Variants in SMTNL2 observed in about 807,000 individuals in gnomAD.
SMTNL2 encodes smoothelin-like protein 2.
SMTNL2 carries 43 observed loss-of-function variants against 44.1 expected under a neutral mutation model. The ratio of observed to expected loss-of-function variants is 0.98; its 90% confidence interval spans 0.76 to 1.26. The LOEUF (loss-of-function observed/expected upper bound fraction) is 1.26. Ranked by LOEUF, SMTNL2 falls within the 50% of genes most tolerant of loss-of-function variation. SMTNL2 has a pLI of 0.00. For missense variants in SMTNL2, 646 were observed against 670.2 expected, an observed-to-expected ratio of 0.96 and a Z score of 0.40; for synonymous variants, 317 against 287.6, an observed-to-expected ratio of 1.10 and a Z score of -1.03.
Position 4,587,291 on chromosome 17 carries a change from C to T in SMTNL2, c.399+2287C>T, listed in dbSNP as rs568332160. The stretch of plus-strand genomic sequence containing the variant: ...TCTGCACCCCTTGAGCCCTGGCTCC[C>T]GGGGCCTGAGGCAGCTGCCGCTGGG... On this transcript the variant is annotated intron_variant, in intron 1 of 7. Coordinates refer to ENST00000389313, the MANE Select transcript of SMTNL2 (RefSeq NM_001114974.2). Among the ~76,000 whole-genome samples the T allele has an allele frequency of 5.3e-5, 8 of 152,290 alleles. 1 individual carries two copies. The highest frequency in any genetic ancestry group is 2.1e-4 in the South Asian group (1 of 4,828).
chr17:4,600,024 G>C lies in SMTNL2; in HGVS notation c.1259+2701G>C, dbSNP rs919506505. ...CTGACTCGAGGGCGTGGGGAGGGGC[G>C]TCCACCGCAGGCCTGTGCCGGGGGG... On this transcript the variant is annotated intron_variant, in intron 7 of 7. Coordinates refer to ENST00000389313, the MANE Select transcript of SMTNL2 (RefSeq NM_001114974.2). The surrounding 1 kb of genome is among the most constrained non-coding windows in gnomAD (Gnocchi z 4.7). 6.6e-6 allele frequency among the ~76,000 whole-genome samples: 1 copy of C among 152,154 alleles called. No individual in the cohort carries two copies. Among genetic ancestry groups the C allele is most frequent in the Non-Finnish European group, 1.5e-5 (1 of 68,014 alleles).
At position 4,595,217 on chromosome 17, in the gene SMTNL2, G is replaced by A. The variant is rs1293134563; in HGVS notation, c.879G>A (p.Gln293=). The change falls in exon 5 of 8, where the codon CAG becomes CAA. Residue 293 remains glutamine (Q), a synonymous_variant. Coordinates refer to ENST00000389313, the MANE Select transcript of SMTNL2 (RefSeq NM_001114974.2). The surrounding 1 kb of genome is among the most constrained non-coding windows in gnomAD (Gnocchi z 5.1). The stretch of plus-strand genomic sequence containing the variant: ...CAGCCATAACTCAGGTCCATCGGCA[G>A]GGGGAGCGTCGCAGGGAGCTGGTGA... The part of the protein sequence containing the change: ...QPPAITQVHR[Q]GERRRELVRS... The A allele has an allele frequency of 1.9e-6, 3 of 1,613,322 alleles. No homozygotes were observed. Among genetic ancestry groups the A allele is most frequent in the Non-Finnish European group, 2.5e-6 (3 of 1,179,986 alleles).
intron 3 of SMTNL2, 68 bp from the exon 4 acceptor site, chr17:4,593,754 G>T (rs1446591086): frequency 4.0e-6 from 6 of 1,505,750 alleles, no homozygotes; most frequent in Non-Finnish European, 5.5e-6. Flanking sequence ...TGGGTCAGAG[G>T]AAGGGAGGCT....
chr17:4,597,353 G>GC, intron 7 of SMTNL2, 30 bp downstream of exon 7: 1 of 1,608,768 alleles, frequency 6.2e-7, no homozygotes, highest in Non-Finnish European at 8.5e-7. Flanking sequence ...CTGGCTACCA[G>GC]CCCCAGCCCA....
chr17:4,603,515 C>T (rs1405973985), intron 7 of SMTNL2, among the ~76,000 whole-genome samples: 2 of 152,140 alleles, frequency 1.3e-5, no homozygotes, highest in Non-Finnish European at 2.9e-5. Context: ...GGTCCCCTTT[C>T]CCTGGACCCT....
intron 7 of SMTNL2, among the ~76,000 whole-genome samples, chr17:4,604,102 CTT>C (rs373616014): frequency 8.3e-4 from 126 of 152,300 alleles, no homozygotes; most frequent in African/African-American, 2.9e-3. Flanking sequence ...ACCTCAGCCT[CTT>C]AAAATGTTGG....
At position 4,597,320 on chromosome 17, in the gene SMTNL2, CCG is replaced by C; in HGVS notation, c.1257_1258del (p.Asn421SerfsTer5). On this transcript the variant is annotated frameshift_variant and splice_region_variant, in exon 7 of 8. Coordinates refer to ENST00000389313, the MANE Select transcript of SMTNL2 (RefSeq NM_001114974.2). LOFTEE classifies it high-confidence loss of function. ...AACTTCGAGCTGGCTTTCACCATGG[CCG>C]AGTGAGTATGGTGGCTCCTGCTGGC... The C allele has an allele frequency of 6.2e-7, 1 of 1,613,768 alleles. No homozygotes were observed.
At chr17:4,597,398 T>TG in intron 7 of SMTNL2, 75 bp downstream of exon 7, 3 of 1,567,560 alleles carry the variant, frequency 1.9e-6, no homozygotes, top group Non-Finnish European at 2.6e-6. Context: ...AGGTGGGGCA[T>TG]GGGGGCGAGT....
chr17:4,591,514 C>A (rs958291114), intron 1 of SMTNL2, among the ~76,000 whole-genome samples: 1 of 152,252 alleles, frequency 6.6e-6, no homozygotes, highest in Non-Finnish European at 1.5e-5. Context: ...GGCCCCATCT[C>A]TGAAATGGCT....
intron 7 of SMTNL2, among the ~76,000 whole-genome samples, chr17:4,599,624 A>C (rs1296886252): frequency 1.3e-5 from 2 of 152,294 alleles, no homozygotes; most frequent in East Asian, 3.9e-4. Flanking sequence ...CCTCTGCCCT[A>C]GACCAGGCTA....
At chr17:4,597,937 T>G (rs1163134524) in intron 7 of SMTNL2, among the ~76,000 whole-genome samples, 1 of 151,852 alleles carries the variant, frequency 6.6e-6, no homozygotes, top group Non-Finnish European at 1.5e-5. Context: ...CTCAGGAGAG[T>G]TGGCAAAGTC....
intron 1 of SMTNL2, among the ~76,000 whole-genome samples, chr17:4,590,490 C>CTT (rs959287856): frequency 2.6e-4 from 39 of 152,236 alleles, no homozygotes; most frequent in African/African-American, 8.9e-4. Flanking sequence ...GTTCGTCCTT[C>CTT]TTTTCTCTTA....
rs775706086 is a variant in SMTNL2 at position 4,593,921 on chromosome 17, T to TG, written c.806+28dup. 1.3e-5 allele frequency: 21 copies of TG among 1,612,844 alleles called. No homozygotes were observed. In the African/African-American group the frequency reaches 2.5e-4, roughly 19 times the overall value. ...AGGTGAGTCAGGGCCTGTGTTCCTG[T>TG]GGGGTCGCTGCGCCCCAGGTGTCTT... On this transcript the variant is annotated intron_variant, in intron 4 of 7. Coordinates refer to ENST00000389313, the MANE Select transcript of SMTNL2 (RefSeq NM_001114974.2).
intron 7 of SMTNL2, among the ~76,000 whole-genome samples, chr17:4,606,288 A>AT (rs1200205838): frequency 6.6e-6 from 1 of 151,790 alleles, no homozygotes; most frequent in Admixed American, 6.6e-5. Flanking sequence ...CGCCCGGCTA[A>AT]TTTTTGTATT....
At chr17:4,605,501 C>T (rs1210551834) in intron 7 of SMTNL2, among the ~76,000 whole-genome samples, 1 of 152,084 alleles carries the variant, frequency 6.6e-6, no homozygotes, top group East Asian at 1.9e-4. Context: ...GTGCCCTTTG[C>T]TGTTCCACCT....
intron 7 of SMTNL2, among the ~76,000 whole-genome samples, chr17:4,597,734 G>A (rs1244376925): frequency 6.6e-6 from 1 of 152,238 alleles, no homozygotes; most frequent in Non-Finnish European, 1.5e-5. Flanking sequence ...GCAAGGAACT[G>A]GATATGACCT....
chr17:4,585,257 T>C (rs1909301588), intron 1 of SMTNL2, among the ~76,000 whole-genome samples: 1 of 152,154 alleles, frequency 6.6e-6, no homozygotes, highest in Non-Finnish European at 1.5e-5. Flanking sequence ...TTGCTCAGAG[T>C]CCTGTCTCCC....
In SMTNL2 at chr17:4,584,602, G is replaced by A; in HGVS notation, c.-4G>A. 2 of 1,236,362 alleles carry A rather than the reference G, an allele frequency of 1.6e-6. No individual in the cohort carries two copies. Among genetic ancestry groups the A allele is most frequent in the Non-Finnish European group, 2.0e-6 (2 of 990,424 alleles). 76.6% of individuals were successfully genotyped at this position (1,236,362 alleles called of 1,614,324 possible). A position where few individuals can be genotyped will look rare whatever the true frequency, so the allele number is the denominator to read the frequency against. On this transcript the variant is annotated 5_prime_UTR_variant, in exon 1 of 8. Transcript: ENST00000389313. ...CGCTCTCGACCCGCGCGCTCTGCTG[G>A]GCCATGGAGCCGGCCCCCGACGCCC...
Position 4,592,221 on chromosome 17 carries a change from C to A in SMTNL2, c.400-140C>A, listed in dbSNP as rs966302940. On this transcript the variant is annotated intron_variant, in intron 1 of 7. Coordinates refer to ENST00000389313, the MANE Select transcript of SMTNL2 (RefSeq NM_001114974.2). This position sits in a 1 kb window ranked among gnomAD's most constrained non-coding sequence, Gnocchi z 4.5. ...GCTTTTGCTGTGTGACTTGGCCCGT[C>A]ACTTTCTTCCTGGGGGCTGTTTTCT... The A allele has an allele frequency of 2.4e-5, 19 of 789,618 alleles. No individual in the cohort carries two copies. Among genetic ancestry groups the A allele is most frequent in the Non-Finnish European group, 4.0e-5 (19 of 480,554 alleles). The allele number at this position is 789,618 out of a possible 1,614,324, so 48.9% of individuals were successfully genotyped here.
Sources: gnomAD v4.1 joint callset for allele counts (sites outside exome capture counted in the v4.1 genomes callset) on GRCh38, gnomAD v4.1.1 for gene constraint, Gnocchi (gnomAD v3.1) non-coding constraint, MANE v1.5 for transcripts, NCBI Gene and HGNC (gene_info 2026-07-23, HGNC 2026-07-21) for gene names.